NOL12: variants seen among roughly 807,000 people sequenced by gnomAD.
The protein encoded by NOL12 is nucleolar protein 12.
In NOL12, 21 loss-of-function variants were observed where a neutral mutation model predicts 25.2. The ratio of observed to expected loss-of-function variants is 0.83; its 90% CI spans 0.59 to 1.20. The LOEUF (loss-of-function observed/expected upper bound fraction) is 1.20, where lower values mean the gene tolerates loss of function less well. Among genes scored for constraint, NOL12 ranks in the 50% most tolerant of loss-of-function variants. The probability of loss-of-function intolerance (pLI) is 0.00; values close to 1 mark genes in which losing one functional copy is unlikely to be tolerated. For missense variants in NOL12, 286 were observed against 287.6 expected (o/e 0.99, Z 0.04); for synonymous variants, 133 against 113.8 (o/e 1.17, Z -1.08).
Position 37,691,240 on chromosome 22 carries a change from A to T in NOL12, c.546A>T (p.Arg182=). 1.2e-6 allele frequency: 2 copies of T among 1,614,058 alleles called. No homozygotes were observed. The highest frequency in any genetic ancestry group is 1.7e-6 in the Non-Finnish European group (2 of 1,179,984). The change falls in exon 6 of 6, where the codon CGA becomes CGT. Residue 182 remains arginine, a synonymous_variant. Transcript: ENST00000359114. ...AAAAGGTCAAGAGGAAACATCCCCG[A>T]CGGGCCCAGGACTCCAAAAAGCCCC... The part of the protein sequence containing the change: ...SRKKVKRKHP[R]RAQDSKKPPR...
In NOL12 at chr22:37,693,450, A is replaced by G. The variant is rs1430594978; in HGVS notation, c.*2114A>G. 2 of 152,298 alleles carry G rather than the reference A, an allele frequency of 1.3e-5. No individual in the cohort carries two copies. Among genetic ancestry groups the G allele is most frequent in the African/African-American group, 2.4e-5 (1 of 41,452 alleles). 9.4% of individuals were successfully genotyped at this position (152,298 alleles called of 1,614,324 possible). A position where few individuals can be genotyped will look rare whatever the true frequency, so the allele number is the denominator to read the frequency against. On this transcript the variant is annotated 3_prime_UTR_variant, in exon 6 of 6. Transcript: ENST00000359114. ...ACATTTACAATTTATAGTGTTTACC[A>G]GTATTAAATTCTCAGCCACTCCTTT...
At chr22:37,688,751 CA>C in intron 3 of NOL12, 98 bp from the exon 4 acceptor site, 1 of 1,278,998 alleles carries the variant, frequency 7.8e-7, no homozygotes, top group African/African-American at 1.5e-5. Flanking sequence ...GCTCCACGTC[CA>C]CAGAGTAGAG....
rs146923614 is a variant in NOL12 at position 37,689,368 on chromosome 22, A to G, written c.381+376A>G. On this transcript the variant is annotated intron_variant, in intron 4 of 5. Coordinates refer to ENST00000359114, the MANE Select transcript of NOL12 (RefSeq NM_024313.3). ...GTATGAGGGTGAAAGTGGTTAATCCATGTGAGTCACCTGGCACAGTGCCCA... is the reference window on the plus strand; with the variant it reads ...GTATGAGGGTGAAAGTGGTTAATCCGTGTGAGTCACCTGGCACAGTGCCCA... 2.5e-3 allele frequency among the ~76,000 whole-genome samples: 380 copies of G among 152,272 alleles called. 5 individuals are homozygous for G. The highest frequency in any genetic ancestry group is 8.8e-3 in the African/African-American group (365 of 41,550).
In NOL12 at chr22:37,691,180, C is replaced by G; in HGVS notation, c.486C>G (p.Ser162=). 1 of 1,608,876 alleles carries G rather than the reference C, an allele frequency of 6.2e-7. No homozygotes were observed. Among genetic ancestry groups the G allele is most frequent in the Non-Finnish European group, 8.5e-7 (1 of 1,176,838 alleles). Residue 162 remains serine (S), a synonymous_variant, in exon 6 of 6, where the codon TCC becomes TCG. Coordinates refer to ENST00000359114, the MANE Select transcript of NOL12 (RefSeq NM_024313.3). ...GCTTTCTGCCCTCCCCTAGGATCTC[C>G]TCCCTCACAGCATCACTACATGCAC... ...SRDPLLSQRI[S]SLTASLHAHS...
chr22:37,688,408 T>C (rs1921917419), intron 3 of NOL12, 48 bp downstream of exon 3: 14 of 1,588,798 alleles, frequency 8.8e-6, no homozygotes, highest in African/African-American at 1.3e-5. Flanking sequence ...ATGGGCCTGG[T>C]TTATACCCTT....
Position 37,691,497 on chromosome 22 carries a change from T to C in NOL12, c.*161T>C, listed in dbSNP as rs62236678. ...TGGGGCCAGCTGCCTTTGCCTGGGGTCAGCTGCCTTTGCCTGGGGTTTGAA... is the reference window on the plus strand; with the variant it reads ...TGGGGCCAGCTGCCTTTGCCTGGGGCCAGCTGCCTTTGCCTGGGGTTTGAA... On this transcript the variant is annotated 3_prime_UTR_variant, in exon 6 of 6. Transcript: ENST00000359114. 3.9e-4 allele frequency: 116 copies of C among 299,148 alleles called. No individual in the cohort carries two copies. Among genetic ancestry groups the C allele is most frequent in the South Asian group, 3.0e-3 (35 of 11,772 alleles). The allele number at this position is 299,148 out of a possible 1,614,324, so 18.5% of individuals were successfully genotyped here.
At chr22:37,690,341 CAAAA>C (rs1922011447) in intron 4 of NOL12, among the ~76,000 whole-genome samples, 6 of 152,290 alleles carry the variant, frequency 3.9e-5, no homozygotes, top group Admixed American at 2.6e-4. Flanking sequence ...AAAAACAAAA[CAAAA>C]CAAAACCATA....
intron 1 of NOL12, chr22:37,687,104 C>T (rs987278570): frequency 2.0e-6 from 2 of 985,240 alleles, no homozygotes; most frequent in African/African-American, 1.7e-5. Context: ...TCAACAGGCC[C>T]TACAGGCGAG....
At chr22:37,688,399 T>C in intron 3 of NOL12, 39 bp downstream of exon 3, 4 of 1,604,164 alleles carry the variant, frequency 2.5e-6, no homozygotes, top group Non-Finnish European at 3.4e-6. Flanking sequence ...GAACAGCTGA[T>C]GGGCCTGGTT....
Position 37,692,220 on chromosome 22 carries a change from G to T in NOL12, c.*884G>T, listed in dbSNP as rs1275608062. Reference sequence around the variant, plus strand: ...AAAAATGCAAAAATTAGCCAGGTGTGGTGGCACACGCGTGTAATCCCAGCT... The same window carrying T: ...AAAAATGCAAAAATTAGCCAGGTGTTGTGGCACACGCGTGTAATCCCAGCT... On this transcript the variant is annotated 3_prime_UTR_variant, in exon 6 of 6. Transcript: ENST00000359114. 1.0e-5 allele frequency: 3 copies of T among 298,242 alleles called. No homozygotes were observed. The highest frequency in any genetic ancestry group is 1.8e-3 in the Middle Eastern group (2 of 1,122). The allele number at this position is 298,242 out of a possible 1,614,324, so 18.5% of individuals were successfully genotyped here.
chr22:37,689,215 G>A (rs1921957870), intron 4 of NOL12, among the ~76,000 whole-genome samples: 1 of 152,248 alleles, frequency 6.6e-6, no homozygotes, highest in Non-Finnish European at 1.5e-5. Context: ...TGCTTCCGGG[G>A]TGCTGCAAAG....
intron 1 of NOL12, chr22:37,686,679 C>G: frequency 2.0e-6 from 2 of 985,462 alleles, no homozygotes; most frequent in Non-Finnish European, 2.4e-6. Context: ...CCCACCTCGC[C>G]TAGTGTCTGT....
In NOL12 at chr22:37,691,583, T is replaced by C; in HGVS notation, c.*247T>C. 6.3e-6 allele frequency: 3 copies of C among 475,360 alleles called. No homozygotes were observed. In the South Asian group the frequency reaches 1.3e-4, roughly 21 times the overall value. The allele number at this position is 475,360 out of a possible 1,614,324, so 29.4% of individuals were successfully genotyped here. ...CCCAGGAAGAGCCTTCAGAGCCACG[T>C]GGGGGCATCTTCCCAAATGTGCACC... On this transcript the variant is annotated 3_prime_UTR_variant, in exon 6 of 6. Coordinates refer to ENST00000359114, the MANE Select transcript of NOL12 (RefSeq NM_024313.3).
Position 37,688,029 on chromosome 22 carries a change from A to C in NOL12, c.189+14A>C. ...CTTCGGGAGGAGGTACGCAGGGGGA[A>C]GGTGGGAGGGAGGTCTTTGATTCTT... On this transcript the variant is annotated intron_variant, in intron 2 of 5. Transcript: ENST00000359114. 3.3e-5 allele frequency: 25 copies of C among 765,096 alleles called. No individual in the cohort carries two copies. The highest frequency in any genetic ancestry group is 5.0e-5 in the Non-Finnish European group (24 of 481,468). 47.4% of individuals were successfully genotyped at this position (765,096 alleles called of 1,614,324 possible).
intron 4 of NOL12, 61 bp from the exon 5 acceptor site, chr22:37,690,636 T>G (rs1601607880): frequency 7.4e-5 from 93 of 1,249,492 alleles, no homozygotes; most frequent in Middle Eastern, 2.0e-4. Flanking sequence ...TGGCTCGGGG[T>G]GCCCAGCCCA....
Position 37,692,813 on chromosome 22 carries a change from C to T in NOL12, c.*1477C>T. On this transcript the variant is annotated 3_prime_UTR_variant, in exon 6 of 6. Coordinates refer to ENST00000359114, the MANE Select transcript of NOL12 (RefSeq NM_024313.3). The stretch of plus-strand genomic sequence containing the variant: ...CAGCCAGGCCTTACAGTGGGGCAGG[C>T]TTAGTGACTGTGCCTCAGTTATGCT... 1 of 397,972 alleles carries T rather than the reference C, an allele frequency of 2.5e-6. No homozygotes were observed. Among genetic ancestry groups the T allele is most frequent in the Middle Eastern group, 6.3e-4 (1 of 1,588 alleles). The allele number at this position is 397,972 out of a possible 1,614,324, so 24.7% of individuals were successfully genotyped here.
chr22:37,691,123 T>G, intron 5 of NOL12, 51 bp from the exon 6 acceptor site: 15 of 1,542,776 alleles, frequency 9.7e-6, no homozygotes, highest in South Asian at 1.2e-5. Context: ...AGCCAGGTGG[T>G]GAGTCACCCC....
chr22:37,686,429 G>T lies in NOL12; in HGVS notation c.37G>T (p.Asp13Tyr). 1.2e-6 allele frequency: 2 copies of T among 1,606,112 alleles called. No homozygotes were observed. The highest frequency in any genetic ancestry group is 1.7e-4 in the Middle Eastern group (1 of 6,042). ...RNKKKKRDGD[D>Y]RRPRLVLSFD... is the part of the protein sequence containing the mutation. ...CAAGAAGAAGAAGCGAGATGGTGAC[G>T]ACCGGCGGCCGAGGCTCGTTCTTAG... The change falls in exon 1 of 6, where the codon GAC (aspartate) becomes TAC (tyrosine). Residue 13 changes from aspartate to tyrosine, a missense_variant. By Grantham distance (160) the Asp-to-Tyr change is radical. Transcript: ENST00000359114.
intron 5 of NOL12, 129 bp downstream of exon 5, chr22:37,690,923 TCTC>T (rs974906928): frequency 2.6e-5 from 19 of 728,460 alleles, no homozygotes; most frequent in Middle Eastern, 3.8e-4. Context: ...ATCCTCTGCC[TCTC>T]CTCATTGCCC....
Sources: allele counts gnomAD v4.1 joint callset (sites outside exome capture counted in the v4.1 genomes callset), GRCh38; gene constraint gnomAD v4.1.1; transcripts MANE v1.5; gene names NCBI Gene and HGNC (gene_info 2026-07-23, HGNC 2026-07-21).